The following CDH4 variants were observed in gnomAD, a reference collection of about 807,000 sequenced individuals.
The protein encoded by CDH4 is cadherin-4.
A neutral mutation model predicts 86.0 loss-of-function variants in CDH4; 33 were observed. The ratio of observed to expected loss-of-function variants is 0.38; its 90% CI spans 0.29 to 0.51. The LOEUF is 0.51. Among genes scored for constraint, CDH4 ranks in the 20% least tolerant of loss-of-function variants. CDH4 has a pLI of 0.86. For synonymous variants in CDH4, 555 were observed against 549.4 expected, an observed-to-expected ratio of 1.01 and a Z score of -0.14; for missense variants, 1,114 against 1,307.4, an observed-to-expected ratio of 0.85 and a Z score of 2.28.
At chr20:61,385,078 C>G (rs1363029717) in intron 2 of CDH4, among the ~76,000 whole-genome samples, 1 of 152,158 alleles carries the variant, frequency 6.6e-6, no homozygotes. Flanking sequence ...CAGTTTGGAA[C>G]TGCTTTAAAC....
rs1244528553 is a variant in CDH4 at position 61,676,643 on chromosome 20, C to G, written c.170-66920C>G. Reference sequence around the variant, plus strand: ...GTGTACCTGGCATTCTCTCAATTCTCTGCACATGCCCTCAACAAACAAACT... The same window carrying G: ...GTGTACCTGGCATTCTCTCAATTCTGTGCACATGCCCTCAACAAACAAACT... On this transcript the variant is annotated intron_variant, in intron 2 of 15. Transcript: ENST00000614565. This position sits in a 1 kb window ranked among gnomAD's most constrained non-coding sequence, Gnocchi z 4.5. 1.3e-5 allele frequency among the ~76,000 whole-genome samples: 2 copies of G among 152,208 alleles called. No homozygotes were observed. The highest frequency in any genetic ancestry group is 2.4e-5 in the African/African-American group (1 of 41,452).
intron 2 of CDH4, among the ~76,000 whole-genome samples, chr20:61,672,657 G>A (rs2087403450): frequency 6.6e-6 from 1 of 152,204 alleles, no homozygotes; most frequent in African/African-American, 2.4e-5. Flanking sequence ...CGAGTCTCTG[G>A]GGTGGACAGT....
chr20:61,259,588 C>T (rs541173964), intron 2 of CDH4, among the ~76,000 whole-genome samples: 64 of 152,136 alleles, frequency 4.2e-4, no homozygotes, highest in African/African-American at 1.5e-3. Flanking sequence ...ATGAATATTC[C>T]CATAAGTGGC....
chr20:61,539,502 C>T (rs965795842), intron 2 of CDH4, among the ~76,000 whole-genome samples: 1 of 152,218 alleles, frequency 6.6e-6, no homozygotes, highest in African/African-American at 2.4e-5. Flanking sequence ...CTCACCTCCT[C>T]CTCTTATAAG....
At chr20:61,316,710 A>G (rs2084477875) in intron 2 of CDH4, among the ~76,000 whole-genome samples, 1 of 152,240 alleles carries the variant, frequency 6.6e-6, no homozygotes, top group South Asian at 2.1e-4. Context: ...CATGTGAAAA[A>G]GGATGAAAGT....
chr20:61,927,554 C>T (rs984391172), intron 11 of CDH4, among the ~76,000 whole-genome samples: 2 of 152,232 alleles, frequency 1.3e-5, no homozygotes, highest in African/African-American at 2.4e-5. Context: ...CGCGATCATG[C>T]GTCTGGGCTC....
rs28465024 is a variant in CDH4, at chr20:61,656,219, G to A, written c.170-87344G>A. ...GTTGCTTGGGAATGCATGCTGAGGC[G>A]GGCAGGCGCGTGCTGGGGTGGGCAG... On this transcript the variant is annotated intron_variant, in intron 2 of 15. Coordinates refer to ENST00000614565, the MANE Select transcript of CDH4 (RefSeq NM_001794.5). 6.3e-3 allele frequency among the ~76,000 whole-genome samples: 674 copies of A among 106,544 alleles called. 7 individuals are homozygous for A. The highest frequency in any genetic ancestry group is 0.029 in the Middle Eastern group (5 of 172). The allele number at this position is 106,544 out of a possible 152,430, so 69.9% of individuals were successfully genotyped here.
At chr20:61,640,914 GGGAAGCGAGT>G in intron 2 of CDH4, among the ~76,000 whole-genome samples, 1 of 152,204 alleles carries the variant, frequency 6.6e-6, no homozygotes. Flanking sequence ...TCTGAGATGG[GGGAAGCGAGT>G]GGTGCCGGGC....
intron 2 of CDH4, among the ~76,000 whole-genome samples, chr20:61,547,255 C>T (rs2086094936): frequency 7.0e-6 from 1 of 142,660 alleles, no homozygotes; most frequent in Non-Finnish European, 1.5e-5. Flanking sequence ...CTCTGTCTCC[C>T]AGGCTGGAGT....
chr20:61,572,476 G>A (rs576642998), intron 2 of CDH4, among the ~76,000 whole-genome samples: 2 of 152,272 alleles, frequency 1.3e-5, no homozygotes, highest in South Asian at 2.1e-4. Context: ...TGAGGGAAAC[G>A]GCCGGCTGGG....
Position 61,811,935 on chromosome 20 carries a change from G to C in CDH4, c.577-32733G>C, listed in dbSNP as rs964901076. ...GATCCACCTACCTCGGCCTCCCAAA[G>C]TGCTAGGATTATAGGCATGAGCCAC... is the stretch of plus-strand genomic sequence containing the variant. On this transcript the variant is annotated intron_variant, in intron 4 of 15. Coordinates refer to ENST00000614565, the MANE Select transcript of CDH4 (RefSeq NM_001794.5). The surrounding 1 kb of genome is among the most constrained non-coding windows in gnomAD (Gnocchi z 4.4). Among the ~76,000 whole-genome samples, 18 of 152,234 alleles carry C rather than the reference G, an allele frequency of 1.2e-4. 1 individual carries two copies. The highest frequency in any genetic ancestry group is 3.4e-3 in the Middle Eastern group (1 of 294).
intron 2 of CDH4, among the ~76,000 whole-genome samples, chr20:61,697,389 A>G (rs2087725830): frequency 6.6e-6 from 1 of 152,108 alleles, no homozygotes; most frequent in Non-Finnish European, 1.5e-5. Flanking sequence ...CACAAGGTCA[A>G]GAGTTCAAGA....
chr20:61,457,830 AT>A (rs1214276681), intron 2 of CDH4, among the ~76,000 whole-genome samples: 1 of 150,376 alleles, frequency 6.6e-6, no homozygotes, highest in Non-Finnish European at 1.5e-5. Context: ...TATGGTCATG[AT>A]GGTGACAACA....
intron 2 of CDH4, among the ~76,000 whole-genome samples, chr20:61,280,779 G>C (rs554907917): frequency 1.3e-5 from 2 of 152,162 alleles, no homozygotes; most frequent in Non-Finnish European, 2.9e-5. Context: ...CGTGTGAAGC[G>C]CCGGCCACAG....
intron 7 of CDH4, among the ~76,000 whole-genome samples, chr20:61,885,471 C>T (rs1276006874): frequency 6.6e-6 from 1 of 152,216 alleles, no homozygotes; most frequent in Non-Finnish European, 1.5e-5. Flanking sequence ...CGTTTCATGC[C>T]TCTTAATGGC....
At chr20:61,483,665 G>A (rs2085580007) in intron 2 of CDH4, among the ~76,000 whole-genome samples, 1 of 149,214 alleles carries the variant, frequency 6.7e-6, no homozygotes, top group South Asian at 2.1e-4. Context: ...AGGAGCACCA[G>A]CACCCGCCCC....
chr20:61,785,200 C>T (rs954541297), intron 4 of CDH4, among the ~76,000 whole-genome samples: 4 of 152,162 alleles, frequency 2.6e-5, no homozygotes, highest in Admixed American at 1.3e-4. Flanking sequence ...ACACGCAGCC[C>T]TGGCCCACTC....
intron 2 of CDH4, among the ~76,000 whole-genome samples, chr20:61,296,321 G>T (rs1156875679): frequency 6.6e-6 from 1 of 150,782 alleles, no homozygotes; most frequent in African/African-American, 2.5e-5. Context: ...GTGTGCATGC[G>T]TGCGTGTGTG....
At chr20:61,398,322 CTATT>C (rs1206470766) in intron 2 of CDH4, among the ~76,000 whole-genome samples, 3 of 152,204 alleles carry the variant, frequency 2.0e-5, no homozygotes, top group African/African-American at 4.8e-5. Flanking sequence ...AAAAGGAAAA[CTATT>C]TAATGTTTTT....
Sources: gnomAD v4.1 joint callset for allele counts (sites outside exome capture counted in the v4.1 genomes callset) on GRCh38, gnomAD v4.1.1 for gene constraint, Gnocchi (gnomAD v3.1) non-coding constraint, MANE v1.5 for transcripts, NCBI Gene and HGNC (gene_info 2026-07-23, HGNC 2026-07-21) for gene names.